Variants in AZU1 observed in about 807,000 individuals in gnomAD.
AZU1 encodes the protein azurocidin.
A neutral mutation model predicts 17.8 loss-of-function variants in AZU1; 21 were observed. That is an observed-to-expected ratio of 1.18 (90% confidence interval 0.84 to 1.70). AZU1 has a LOEUF of 1.70. Ranked by LOEUF, AZU1 falls within the 40% of genes most tolerant of loss-of-function variation. AZU1 has a pLI of 0.00. For missense variants in AZU1, 379 were observed against 362.9 expected (o/e 1.04, Z -0.36); for synonymous variants, 178 against 155.2 (o/e 1.15, Z -1.09).
At position 827,864 on chromosome 19, in the gene AZU1, C is replaced by T. The variant is rs771209379; in HGVS notation, c.18C>T (p.Val6=). MTRLT[V]LALLAGLLAS... Reference sequence around the variant, plus strand: ...GCCCCGCCATGACCCGGCTGACAGTCCTGGCCCTGCTGGCTGGTCTGCTGG... The same window carrying T: ...GCCCCGCCATGACCCGGCTGACAGTTCTGGCCCTGCTGGCTGGTCTGCTGG... Residue 6 remains valine, a synonymous_variant, in exon 1 of 5, where the codon GTC becomes GTT. Transcript: ENST00000233997. 5.2e-6 allele frequency: 8 copies of T among 1,537,002 alleles called. No homozygotes were observed. In the East Asian group the frequency reaches 1.5e-4, roughly 28 times the overall value.
At chr19:831,523 G>A (rs2035287665) in intron 4 of AZU1, 193 bp from the exon 5 acceptor site, 2 of 629,888 alleles carry the variant, frequency 3.2e-6, no homozygotes, top group Non-Finnish European at 5.2e-6. Context: ...GGAGGTGCCA[G>A]GAAGCTCCAG....
Position 831,773 on chromosome 19 carries a change from T to A in AZU1, c.652T>A (p.Ser218Thr). The A allele has an allele frequency of 6.2e-7, 1 of 1,612,492 alleles. No homozygotes were observed. The highest frequency in any genetic ancestry group is 1.3e-5 in the African/African-American group (1 of 74,936). ...CCTGGCCCACGGCGTGGCCTCCTTT[T>A]CCCTGGGGCCCTGTGGCCGAGGCCC... ...EGLAHGVASFSLGPCGRGPDF... is the reference protein window; with the variant it reads ...EGLAHGVASFTLGPCGRGPDF... Residue 218 changes from serine (S) to threonine (T), a missense_variant, in exon 5 of 5, where the codon TCC becomes ACC. Coordinates refer to ENST00000233997, the MANE Select transcript of AZU1 (RefSeq NM_001700.5).
intron 4 of AZU1, chr19:831,191 C>T (rs1158530661): frequency 2.0e-6 from 1 of 492,740 alleles, no homozygotes; most frequent in Admixed American, 3.7e-5. Flanking sequence ...AGCGATTCTC[C>T]TGCCTCAGCC....
At position 828,318 on chromosome 19, in the gene AZU1, G is replaced by A. The variant is rs370446425; in HGVS notation, c.147G>A (p.Arg49=). ...TGGCCTCCATTCAGAATCAAGGCAG[G>A]CACTTCTGCGGGGGTGCCCTGATCC... ...PFLASIQNQG[R]HFCGGALIHA... is the part of the protein sequence containing the mutation. Residue 49 remains arginine (R), a synonymous_variant, in exon 2 of 5, where the codon AGG becomes AGA. Coordinates refer to ENST00000233997, the MANE Select transcript of AZU1 (RefSeq NM_001700.5). 4 of 1,611,162 alleles carry A rather than the reference G, an allele frequency of 2.5e-6. 1 individual carries two copies. The South Asian group carries it at 3.3e-5, about 13-fold the overall frequency.
chr19:831,985 C>G lies in AZU1; in HGVS notation c.*108C>G. 1.5e-6 allele frequency: 2 copies of G among 1,336,058 alleles called. No individual in the cohort carries two copies. The highest frequency in any genetic ancestry group is 2.0e-6 in the Non-Finnish European group (2 of 980,688). 82.8% of individuals were successfully genotyped at this position (1,336,058 alleles called of 1,614,324 possible). A position where few individuals can be genotyped will look rare whatever the true frequency, so the allele number is the denominator to read the frequency against. On this transcript the variant is annotated 3_prime_UTR_variant, in exon 5 of 5. Transcript: ENST00000233997. ...TGCCCCCGCTCCGGCCAGAGGGGCCCTGGCTGTAATAAAGAAGCCGATCTC... is the reference window on the plus strand; with the variant it reads ...TGCCCCCGCTCCGGCCAGAGGGGCCGTGGCTGTAATAAAGAAGCCGATCTC...
rs1350934950 is a variant in AZU1, at chr19:827,854, G to A, written c.8G>A (p.Arg3Gln). 64 of 1,536,552 alleles carry A rather than the reference G, an allele frequency of 4.2e-5. No individual in the cohort carries two copies. Among genetic ancestry groups the A allele is most frequent in the East Asian group, 3.4e-4 (14 of 40,986 alleles). ...CCACAGACCTGCCCCGCCATGACCCGGCTGACAGTCCTGGCCCTGCTGGCT... is the reference window on the plus strand; with the variant it reads ...CCACAGACCTGCCCCGCCATGACCCAGCTGACAGTCCTGGCCCTGCTGGCT... MT[R>Q]LTVLALLAGL... The change falls in exon 1 of 5, where the codon CGG becomes CAG. Residue 3 changes from arginine to glutamine, a missense_variant. Coordinates refer to ENST00000233997, the MANE Select transcript of AZU1 (RefSeq NM_001700.5).
chr19:831,168 C>T, intron 4 of AZU1: 1 of 515,210 alleles, frequency 1.9e-6, no homozygotes, highest in Non-Finnish European at 3.4e-6. Flanking sequence ...GCAACCTCCG[C>T]CTCCTGGGTT....
intron 2 of AZU1, 36 bp from the exon 3 acceptor site, chr19:829,526 G>C (rs779571788): frequency 6.2e-7 from 1 of 1,605,152 alleles, no homozygotes; most frequent in African/African-American, 1.3e-5. Context: ...CCCCAGCCTG[G>C]TGTCCTCCCT....
intron 4 of AZU1, 171 bp downstream of exon 4, chr19:831,112 C>G: frequency 1.6e-6 from 1 of 641,454 alleles, no homozygotes; most frequent in Non-Finnish European, 2.6e-6. Flanking sequence ...GAGTCTCGCT[C>G]TGTCGCCCAG....
At chr19:829,024 G>A (rs1289290815) in intron 2 of AZU1, among the ~76,000 whole-genome samples, 1 of 117,174 alleles carries the variant, frequency 8.5e-6, no homozygotes, top group East Asian at 2.8e-4. Flanking sequence ...TCAGATGGAG[G>A]AGGGGCAGAG....
chr19:828,497 C>G, intron 2 of AZU1, 111 bp downstream of exon 2: 1 of 1,063,914 alleles, frequency 9.4e-7, no homozygotes, highest in Non-Finnish European at 1.2e-6. Context: ...GAGGGGATTG[C>G]AAAAGGAGGG....
intron 1 of AZU1, 113 bp from the exon 2 acceptor site, chr19:828,117 T>G: frequency 1.5e-6 from 2 of 1,345,486 alleles, no homozygotes; most frequent in Non-Finnish European, 2.0e-6. Flanking sequence ...TGGGGGAGGG[T>G]GGGTCCCCCC....
rs764172436 is a variant in AZU1, at chr19:831,802, C to T, written c.681C>T (p.Asp227=). 5 of 1,612,718 alleles carry T rather than the reference C, an allele frequency of 3.1e-6. No homozygotes were observed. The highest frequency in any genetic ancestry group is 4.2e-6 in the Non-Finnish European group (5 of 1,179,816). ...TGGGGCCCTGTGGCCGAGGCCCTGA[C>T]TTCTTCACCCGAGTGGCGCTCTTCC... The part of the protein sequence containing the change: ...FSLGPCGRGP[D]FFTRVALFRD... Residue 227 remains aspartate (D), a synonymous_variant, in exon 5 of 5, where the codon GAC becomes GAT. Coordinates refer to ENST00000233997, the MANE Select transcript of AZU1 (RefSeq NM_001700.5).
chr19:830,612 A>G (rs2035275057), intron 3 of AZU1, 96 bp from the exon 4 acceptor site: 8 of 1,073,818 alleles, frequency 7.5e-6, no homozygotes, highest in Non-Finnish European at 1.0e-5. Context: ...CCACTTACAG[A>G]CTACAGTTAA....
intron 4 of AZU1, 164 bp from the exon 5 acceptor site, chr19:831,552 G>A: frequency 1.2e-6 from 1 of 828,422 alleles, no homozygotes; most frequent in Non-Finnish European, 1.8e-6. Context: ...TGATCCCAAA[G>A]TCCACTAGCA....
Position 828,023 on chromosome 19 carries a change from C to A in AZU1, c.58+119C>A. 3.5e-6 allele frequency: 5 copies of A among 1,429,204 alleles called. No homozygotes were observed. The South Asian group carries it at 6.5e-5, about 19-fold the overall frequency. The allele number at this position is 1,429,204 out of a possible 1,614,324, so 88.5% of individuals were successfully genotyped here. On this transcript the variant is annotated intron_variant, in intron 1 of 4. Coordinates refer to ENST00000233997, the MANE Select transcript of AZU1 (RefSeq NM_001700.5). ...CTTGGCCTGGGTCACACAGCCAGCC[C>A]GGCCTGGACGATCCCGCGAAAGGCG... is the stretch of plus-strand genomic sequence containing the variant.
chr19:830,686 CT>C, intron 3 of AZU1, 21 bp from the exon 4 acceptor site: 3 of 1,538,196 alleles, frequency 2.0e-6, no homozygotes, highest in Non-Finnish European at 2.6e-6. Flanking sequence ...CCACCCTCCC[CT>C]GACTCCATTT....
chr19:829,193 T>C (rs1433756198), intron 2 of AZU1, among the ~76,000 whole-genome samples: 147 of 13,656 alleles, frequency 0.011, no homozygotes, highest in African/African-American at 0.028. Context: ...ATGGGGGAGG[T>C]GCAGAGAAGG....
In AZU1 at chr19:831,928, C is replaced by G. The variant is rs559722119; in HGVS notation, c.*51C>G. ...CCAGCCCCGCCCTCCACACCTCCGGCGCTCCGCACCCACCTCCCACGGCCC... is the reference window on the plus strand; with the variant it reads ...CCAGCCCCGCCCTCCACACCTCCGGGGCTCCGCACCCACCTCCCACGGCCC... On this transcript the variant is annotated 3_prime_UTR_variant, in exon 5 of 5. Coordinates refer to ENST00000233997, the MANE Select transcript of AZU1 (RefSeq NM_001700.5). 1.3e-6 allele frequency: 2 copies of G among 1,565,290 alleles called. No individual in the cohort carries two copies. The highest frequency in any genetic ancestry group is 1.7e-6 in the Non-Finnish European group (2 of 1,150,850).
Sources: gnomAD v4.1 joint callset for allele counts (sites outside exome capture counted in the v4.1 genomes callset) on GRCh38, gnomAD v4.1.1 for gene constraint, MANE v1.5 for transcripts, NCBI Gene and HGNC (gene_info 2026-07-23, HGNC 2026-07-21) for gene names.